LGI1: variants seen among roughly 807,000 people sequenced by gnomAD.
LGI1 encodes the protein leucine-rich glioma-inactivated protein 1.
A neutral mutation model predicts 57.7 loss-of-function variants in LGI1; 11 were observed. The observed-to-expected ratio is 0.19, with a 90% CI of 0.12 to 0.32. LGI1 has a LOEUF of 0.32. Among genes scored for constraint, LGI1 ranks in the 10% least tolerant of loss-of-function variants. LGI1 has a pLI of 1.00. For missense variants in LGI1, 422 were observed against 661.9 expected, an observed-to-expected ratio of 0.64 and a Z score of 3.98; for synonymous variants, 222 against 241.9, an observed-to-expected ratio of 0.92 and a Z score of 0.76.
rs2059587473 is a variant in LGI1 at position 93,758,425 on chromosome 10, C to T, written c.215+66C>T. 1 of 1,462,718 alleles carries T rather than the reference C, an allele frequency of 6.8e-7. No homozygotes were observed. 90.6% of individuals were successfully genotyped at this position (1,462,718 alleles called of 1,614,324 possible). ...AAAATTCCAGCCGGTGGATTTGGGG[C>T]TTTGCATGTATTTGTAGAAGGGCAT... On this transcript the variant is annotated intron_variant, in intron 1 of 7. Coordinates refer to ENST00000371418, the MANE Select transcript of LGI1 (RefSeq NM_005097.4). This position sits in a 1 kb window ranked among gnomAD's most constrained non-coding sequence, Gnocchi z 4.7.
At chr10:93,772,118 G>T (rs2059748084) in intron 2 of LGI1, 1 of 152,098 alleles carries the variant, frequency 6.6e-6, no homozygotes, top group Non-Finnish European at 1.5e-5. Flanking sequence ...AAAACTTTTA[G>T]CATCAAAAGA....
chr10:93,796,916 T>C, intron 7 of LGI1, 52 bp from the exon 8 acceptor site: 2 of 1,430,070 alleles, frequency 1.4e-6, no homozygotes, highest in Non-Finnish European at 2.0e-6. Flanking sequence ...CATGTTTACA[T>C]GCTCCAAAAG....
intron 4 of LGI1, among the ~76,000 whole-genome samples, chr10:93,781,950 A>G (rs915824630): frequency 6.6e-6 from 1 of 152,220 alleles, no homozygotes; most frequent in Non-Finnish European, 1.5e-5. Flanking sequence ...AAAGGACTAT[A>G]TAACAGTCCC....
At chr10:93,787,469 G>A (rs11187667) in intron 4 of LGI1, among the ~76,000 whole-genome samples, 2,914 of 152,164 alleles carry the variant, frequency 0.019, 40 homozygotes, top group Non-Finnish European at 0.031. Context: ...CAAAAATACT[G>A]CCTCTCCATT....
Position 93,793,217 on chromosome 10 carries a change from A to G in LGI1, c.705A>G (p.Gln235=), listed in dbSNP as rs2059951017. 6.2e-7 allele frequency: 1 copy of G among 1,613,130 alleles called. No homozygotes were observed. The highest frequency in any genetic ancestry group is 8.5e-7 in the Non-Finnish European group (1 of 1,179,496). Residue 235 remains glutamine (Q), a synonymous_variant, in exon 7 of 8, where the codon CAA becomes CAG. Coordinates refer to ENST00000371418, the MANE Select transcript of LGI1 (RefSeq NM_005097.4). ...EFAKSQDLPY[Q]SLSIDTFSYL... ...CAAAGTCTCAAGACCTGCCTTATCA[A>G]TCATTGTCCATAGACACTTTTTCTT...
chr10:93,781,393 A>ATT (rs2059846984), intron 4 of LGI1, among the ~76,000 whole-genome samples: 3 of 151,830 alleles, frequency 2.0e-5, no homozygotes, highest in African/African-American at 4.8e-5. Context: ...AAATAAATAT[A>ATT]AAAAAGTTAT....
In LGI1 at chr10:93,758,445, G is replaced by C; in HGVS notation, c.215+86G>C. On this transcript the variant is annotated intron_variant, in intron 1 of 7. Coordinates refer to ENST00000371418, the MANE Select transcript of LGI1 (RefSeq NM_005097.4). The surrounding 1 kb of genome is among the most constrained non-coding windows in gnomAD (Gnocchi z 4.7). ...TGGGGCTTTGCATGTATTTGTAGAA[G>C]GGCATGGAGAGAGAGATTCCTCTTG... is the stretch of plus-strand genomic sequence containing the variant. 7.9e-7 allele frequency: 1 copy of C among 1,268,380 alleles called. No individual in the cohort carries two copies. Among genetic ancestry groups the C allele is most frequent in the Non-Finnish European group, 1.1e-6 (1 of 873,180 alleles). 78.6% of individuals were successfully genotyped at this position (1,268,380 alleles called of 1,614,324 possible). A position where few individuals can be genotyped will look rare whatever the true frequency, so the allele number is the denominator to read the frequency against.
Position 93,792,905 on chromosome 10 carries a change from C to T in LGI1, c.666C>T (p.Ile222=), listed in dbSNP as rs768854827. Residue 222 remains isoleucine, a synonymous_variant, in exon 6 of 8, where the codon ATC becomes ATT. Transcript: ENST00000371418. ...TCTCCTCGAAGGATTTTGATTGCAT[C>T]ATTACAGGTAATGTACTCATCATCA... ...NSLSSKDFDC[I]ITEFAKSQDL... The T allele has an allele frequency of 6.2e-7, 1 of 1,613,774 alleles. No individual in the cohort carries two copies. The highest frequency in any genetic ancestry group is 8.5e-7 in the Non-Finnish European group (1 of 1,179,742).
intron 2 of LGI1, chr10:93,765,002 AC>A (rs2059659972): frequency 6.6e-6 from 1 of 152,186 alleles, no homozygotes; most frequent in Non-Finnish European, 1.5e-5. Flanking sequence ...AAAAGTCATA[AC>A]CCTCTCCTTT....
At chr10:93,759,058 G>A in intron 2 of LGI1, 1 of 551,196 alleles carries the variant, frequency 1.8e-6, no homozygotes, top group East Asian at 3.1e-5. Context: ...CTACTTTAAT[G>A]GCTATTTATG....
chr10:93,790,263 T>C, intron 5 of LGI1, 93 bp downstream of exon 5: 1 of 1,132,584 alleles, frequency 8.8e-7, no homozygotes, highest in Non-Finnish European at 1.3e-6. Context: ...TTAATTGGCT[T>C]TTAAATTAAA....
intron 2 of LGI1, chr10:93,766,861 T>G (rs1248656475): frequency 6.6e-6 from 1 of 152,304 alleles, no homozygotes; most frequent in Non-Finnish European, 1.5e-5. Flanking sequence ...GTAGATATAA[T>G]TATCTCCATT....
chr10:93,785,443 C>T (rs74150346), intron 4 of LGI1, among the ~76,000 whole-genome samples: 11,576 of 152,180 alleles, frequency 0.076, 1,332 homozygotes, highest in African/African-American at 0.25. Context: ...GATGTCAAAA[C>T]AGAAACCCAG....
In LGI1 at chr10:93,758,610, C is replaced by A; in HGVS notation, c.216-150C>A. The A allele has an allele frequency of 1.4e-6, 1 of 704,368 alleles. No homozygotes were observed. Among genetic ancestry groups the A allele is most frequent in the Non-Finnish European group, 2.5e-6 (1 of 406,070 alleles). The allele number at this position is 704,368 out of a possible 1,614,324, so 43.6% of individuals were successfully genotyped here. ...TGTAGCCGATTCATTTCTCTTACTT[C>A]ATCTGGGAAGGAATAGTATCGTACT... On this transcript the variant is annotated intron_variant, in intron 1 of 7. Coordinates refer to ENST00000371418, the MANE Select transcript of LGI1 (RefSeq NM_005097.4). The surrounding 1 kb of genome is among the most constrained non-coding windows in gnomAD (Gnocchi z 4.7).
Position 93,758,568 on chromosome 10 carries a change from C to G in LGI1, c.216-192C>G. The G allele has an allele frequency of 1.4e-6, 1 of 691,580 alleles. No homozygotes were observed. Among genetic ancestry groups the G allele is most frequent in the Non-Finnish European group, 2.5e-6 (1 of 401,812 alleles). The allele number at this position is 691,580 out of a possible 1,614,324, so 42.8% of individuals were successfully genotyped here. Reference sequence around the variant, plus strand: ...ATGCTTAGATACCCCCAGCCCTGAACATTATCATGAGAAACCTGTAGCCGA... The same window carrying G: ...ATGCTTAGATACCCCCAGCCCTGAAGATTATCATGAGAAACCTGTAGCCGA... On this transcript the variant is annotated intron_variant, in intron 1 of 7. Coordinates refer to ENST00000371418, the MANE Select transcript of LGI1 (RefSeq NM_005097.4). This position sits in a 1 kb window ranked among gnomAD's most constrained non-coding sequence, Gnocchi z 4.7.
intron 2 of LGI1, chr10:93,768,302 G>A (rs2059699915): frequency 6.6e-6 from 1 of 152,224 alleles, no homozygotes; most frequent in African/African-American, 2.4e-5. Context: ...GGGAAGTCGG[G>A]GAGGGAGAGA....
rs185545799 is a variant in LGI1 at position 93,790,023 on chromosome 10, C to A, written c.432-76C>A. 762 of 1,386,868 alleles carry A rather than the reference C, an allele frequency of 5.5e-4. 3 individuals are homozygous for A. The African/African-American group carries it at 7.5e-3, about 14-fold the overall frequency. The allele number at this position is 1,386,868 out of a possible 1,614,324, so 85.9% of individuals were successfully genotyped here. A position where few individuals can be genotyped will look rare whatever the true frequency, so the allele number is the denominator to read the frequency against. ...GCTGGAAATGACAAAAGAGACTCATCACTAAGCTTTATCATTAAATGCCTT... is the reference window on the plus strand; with the variant it reads ...GCTGGAAATGACAAAAGAGACTCATAACTAAGCTTTATCATTAAATGCCTT... On this transcript the variant is annotated intron_variant, in intron 4 of 7. Coordinates refer to ENST00000371418, the MANE Select transcript of LGI1 (RefSeq NM_005097.4).
At chr10:93,765,935 A>C (rs1321486187) in intron 2 of LGI1, among the ~76,000 whole-genome samples, 1 of 145,890 alleles carries the variant, frequency 6.9e-6, no homozygotes, top group Non-Finnish European at 1.5e-5. Flanking sequence ...GCGCCACTGC[A>C]CTCCAGCCTG....
At chr10:93,772,917 A>T (rs1427835009) in intron 2 of LGI1, 1 of 151,984 alleles carries the variant, frequency 6.6e-6, no homozygotes, top group Non-Finnish European at 1.5e-5. Flanking sequence ...TCTATAAAAA[A>T]AAAAATACAA....
Sources: allele counts gnomAD v4.1 joint callset (sites outside exome capture counted in the v4.1 genomes callset), GRCh38; gene constraint gnomAD v4.1.1; non-coding constraint Gnocchi (gnomAD v3.1); transcripts MANE v1.5; gene names NCBI Gene and HGNC (gene_info 2026-07-23, HGNC 2026-07-21).